Variants in VSIG1 observed in about 807,000 individuals in gnomAD.
VSIG1 encodes V-set and immunoglobulin domain-containing protein 1.
VSIG1 carries 11 observed loss-of-function variants against 20.1 expected under a neutral mutation model. The ratio of observed to expected loss-of-function variants is 0.55; its 90% CI spans 0.34 to 0.91. VSIG1 has a LOEUF of 0.91. Among genes scored for constraint, VSIG1 ranks in the 40% least tolerant of loss-of-function variants. The probability of loss-of-function intolerance (pLI) is 0.02; values close to 1 mark genes in which losing one functional copy is unlikely to be tolerated. For missense variants in VSIG1, 283 were observed against 298.8 expected (o/e 0.95, Z 0.39); for synonymous variants, 126 against 116.7 (o/e 1.08, Z -0.52).
At chrX:108,023,855 GA>G in the VSIG1 span, among the ~76,000 whole-genome samples, 3 of 112,003 alleles carry the variant, frequency 2.7e-5, no homozygotes, top group African/African-American at 9.7e-5. Flanking sequence ...CAAGGCAGGA[GA>G]AACAGCTTAG....
chrX:108,045,450 A>G (rs2030552347), intron 1 of VSIG1, among the ~76,000 whole-genome samples: 1 of 112,566 alleles, frequency 8.9e-6, no homozygotes, highest in Non-Finnish European at 1.9e-5. Context: ...CTTACTTTGA[A>G]AAGTGAAAAA....
intron 3 of VSIG1, among the ~76,000 whole-genome samples, chrX:108,068,865 AC>A (rs2031185131): frequency 8.9e-6 from 1 of 112,149 alleles, no homozygotes; most frequent in South Asian, 3.7e-4. Context: ...GTACTCAGTG[AC>A]CTTATACAAG....
intron 1 of VSIG1, among the ~76,000 whole-genome samples, chrX:108,047,967 T>TATACAC (rs2030684784): frequency 3.7e-5 from 1 of 27,103 alleles, no homozygotes; most frequent in Non-Finnish European, 6.9e-5. Context: ...CACACATATA[T>TATACAC]ATATATATAT....
Position 108,047,980 on chromosome X carries a change from A to G in VSIG1, c.49+2801A>G, listed in dbSNP as rs1276312743. Among the ~76,000 whole-genome samples the G allele has an allele frequency of 1.3e-4, 9 of 70,733 alleles. No individual in the cohort carries two copies. The East Asian group carries it at 3.0e-3, about 24-fold the overall frequency. 61.4% of individuals were successfully genotyped at this position (70,733 alleles called of 115,157 possible). On this transcript the variant is annotated intron_variant, in intron 1 of 6. Coordinates refer to ENST00000217957, the MANE Select transcript of VSIG1 (RefSeq NM_182607.5). ...CACACACATATATATATATATATATATATATATATATATATATATATACAC... is the reference window on the plus strand; with the variant it reads ...CACACACATATATATATATATATATGTATATATATATATATATATATACAC...
chrX:108,073,261 G>A lies in VSIG1; in HGVS notation c.580G>A (p.Gly194Arg), dbSNP rs750661421. Residue 194 changes from glycine (G) to arginine (R), a missense_variant, in exon 5 of 7, where the codon GGG (glycine) becomes AGG (arginine). Gly to Arg is a moderately radical substitution (Grantham distance 125, BLOSUM62 -2). Coordinates refer to ENST00000217957, the MANE Select transcript of VSIG1 (RefSeq NM_182607.5). ...PVKENFNPTT[G>R]ILVIGNLTNF... The stretch of plus-strand genomic sequence containing the variant: ...CCTGGTTTCAACAGACCCAACCACC[G>A]GGATTTTGGTCATTGGAAATCTGAC... 2.5e-6 allele frequency: 3 copies of A among 1,210,794 alleles called. No homozygotes were observed. Among genetic ancestry groups the A allele is most frequent in the East Asian group, 3.0e-5 (1 of 33,812 alleles).
chrX:108,061,536 G>C, intron 2 of VSIG1: 1 of 1,156,782 alleles, frequency 8.6e-7, no homozygotes, highest in Non-Finnish European at 1.2e-6. Flanking sequence ...GACCTCTGAG[G>C]TAAGAACACT....
At chrX:108,048,441 A>C (rs1298599730) in intron 1 of VSIG1, among the ~76,000 whole-genome samples, 5 of 112,679 alleles carry the variant, frequency 4.4e-5, no homozygotes, top group African/African-American at 9.7e-5. Flanking sequence ...TGGTTTTTAA[A>C]AGAGATTACA....
chrX:108,031,803 A>G, the VSIG1 span, among the ~76,000 whole-genome samples: 4 of 112,144 alleles, frequency 3.6e-5, no homozygotes. Context: ...ATCATTAAGT[A>G]TAGTCACCAC....
chrX:108,064,299 T>TA (rs1431405238), intron 2 of VSIG1, among the ~76,000 whole-genome samples: 1 of 111,565 alleles, frequency 9.0e-6, no homozygotes, highest in African/African-American at 3.3e-5. Context: ...TAGCCCTCAC[T>TA]ACCCCCATTT....
At chrX:108,047,937 CAT>C (rs1163371858) in intron 1 of VSIG1, among the ~76,000 whole-genome samples, 4,963 of 33,444 alleles carry the variant, frequency 0.15, 833 homozygotes, top group Non-Finnish European at 0.17. Flanking sequence ...TATATATACA[CAT>C]ATATATATAT....
intron 1 of VSIG1, among the ~76,000 whole-genome samples, chrX:108,053,533 A>G (rs1414475555): frequency 2.7e-5 from 3 of 111,971 alleles, no homozygotes; most frequent in East Asian, 2.8e-4. Flanking sequence ...AAAATGCTCA[A>G]GTAACTATCA....
At chrX:108,067,850 C>A (rs771203828) in intron 3 of VSIG1, among the ~76,000 whole-genome samples, 1 of 112,061 alleles carries the variant, frequency 8.9e-6, no homozygotes, top group African/African-American at 3.2e-5. Flanking sequence ...GTGGGCTAAA[C>A]TTCCATCTGC....
intron 1 of VSIG1, among the ~76,000 whole-genome samples, chrX:108,047,794 A>C (rs758422957): frequency 0.016 from 1,157 of 74,311 alleles, 57 homozygotes; most frequent in African/African-American, 0.042. Flanking sequence ...CTCTCTCTAT[A>C]TATATATATA....
In VSIG1 at chrX:108,077,390, C is replaced by T. The variant is rs757663194; in HGVS notation, c.*9C>T. On this transcript the variant is annotated 3_prime_UTR_variant, in exon 7 of 7. Transcript: ENST00000217957. ...GAGTGGTTAAGGCATAGGCTGGTGG[C>T]CTAAGTACAGCATTAATCATTAAGG... The T allele has an allele frequency of 4.2e-6, 5 of 1,202,862 alleles. No individual in the cohort carries two copies. Among genetic ancestry groups the T allele is most frequent in the Non-Finnish European group, 4.5e-6 (4 of 890,404 alleles).
intron 1 of VSIG1, among the ~76,000 whole-genome samples, chrX:108,050,648 C>T (rs938323477): frequency 6.3e-5 from 7 of 111,713 alleles, no homozygotes; most frequent in South Asian, 3.8e-4. Context: ...GGGTGCCCTT[C>T]GGTGGGCCTC....
At chrX:108,070,583 C>G (rs1390751319) in intron 3 of VSIG1, among the ~76,000 whole-genome samples, 2 of 112,106 alleles carry the variant, frequency 1.8e-5, no homozygotes, top group Non-Finnish European at 3.8e-5. Flanking sequence ...TGATGAAACA[C>G]CCCCATTTAA....
chrX:108,047,961 C>CATATATAT (rs1172282311), intron 1 of VSIG1, among the ~76,000 whole-genome samples: 7 of 19,940 alleles, frequency 3.5e-4, no homozygotes, highest in African/African-American at 1.1e-3. Flanking sequence ...TATACACACA[C>CATATATAT]ATATATATAT....
rs1046212631 is a variant in VSIG1 at position 108,066,828 on chromosome X, A to G, written c.214-108A>G. 9 of 730,710 alleles carry G rather than the reference A, an allele frequency of 1.2e-5. No homozygotes were observed. In the African/African-American group the frequency reaches 1.7e-4, roughly 14 times the overall value. 60.2% of individuals were successfully genotyped at this position (730,710 alleles called of 1,213,427 possible). On this transcript the variant is annotated intron_variant, in intron 2 of 6. Coordinates refer to ENST00000217957, the MANE Select transcript of VSIG1 (RefSeq NM_182607.5). ...ACAGGGACCTGTTCCTGGTGGGGGG[A>G]AGATGCTGCTTCTTTATCAAAGGTA... is the stretch of plus-strand genomic sequence containing the variant.
At chrX:108,042,846 T>C (rs1219273279), upstream of VSIG1, among the ~76,000 whole-genome samples, 3 of 112,109 alleles carry the variant, frequency 2.7e-5, no homozygotes, top group South Asian at 7.5e-4. Context: ...CAGAGATTTA[T>C]GTGAGGAAAG....
Sources: gnomAD v4.1 joint callset for allele counts (sites outside exome capture counted in the v4.1 genomes callset) on GRCh38, gnomAD v4.1.1 for gene constraint, MANE v1.5 for transcripts, NCBI Gene and HGNC (gene_info 2026-07-23, HGNC 2026-07-21) for gene names.